Variants in PPRC1 observed in about 807,000 individuals in gnomAD.
The protein encoded by PPRC1 is peroxisome proliferator-activated receptor gamma coactivator-related protein 1.
PPRC1 carries 23 observed loss-of-function variants against 132.5 expected under a neutral mutation model. The ratio of observed to expected loss-of-function variants is 0.17; its 90% CI spans 0.12 to 0.25. The LOEUF is 0.25. PPRC1 is among the 10% of genes least tolerant of loss of function. The pLI is 1.00. For missense variants in PPRC1, 2,006 were observed against 2,089.1 expected, an observed-to-expected ratio of 0.96 and a Z score of 0.78; for synonymous variants, 872 against 833.5, an observed-to-expected ratio of 1.05 and a Z score of -0.80.
At chr10:102,126,314 C>T in the PPRC1 span, among the ~76,000 whole-genome samples, 1 of 149,256 alleles carries the variant, frequency 6.7e-6, no homozygotes, top group Non-Finnish European at 1.5e-5. Context: ...TGTACTTTAG[C>T]TTGAATGACA....
Position 102,148,528 on chromosome 10 carries a change from A to C in PPRC1, c.4550+7A>C. ...GAAGTGACAGGAGGCGGCGGTGAGC[A>C]TGTGTTCAGGGAGCGCCATGCACCT... On this transcript the variant is annotated splice_region_variant and intron_variant, in intron 10 of 13. Transcript: ENST00000278070. This position sits in a 1 kb window ranked among gnomAD's most constrained non-coding sequence, Gnocchi z 4.2. The C allele has an allele frequency of 2.5e-6, 4 of 1,613,184 alleles. No individual in the cohort carries two copies. Among genetic ancestry groups the C allele is most frequent in the Non-Finnish European group, 3.4e-6 (4 of 1,179,134 alleles).
At chr10:102,149,452 G>A (rs1365355725) in intron 13 of PPRC1, 123 bp downstream of exon 13, 4 of 1,200,370 alleles carry the variant, frequency 3.3e-6, no homozygotes, top group Admixed American at 6.5e-5. Flanking sequence ...ACCCAAGGGG[G>A]CTGGGCATGG....
In PPRC1 at chr10:102,141,110, G is replaced by C; in HGVS notation, c.2602G>C (p.Ala868Pro). ...CCCTCCTGTGCAGTCTGTGTCCCCT[G>C]CTGTGCCCACACCTCCCTCGATGTC... Reference protein sequence around the residue: ...PSPPVQSVSPAVPTPPSMSAA... With the variant: ...PSPPVQSVSPPVPTPPSMSAA... The change falls in exon 5 of 14, where the codon GCT (alanine) becomes CCT (proline). Residue 868 changes from alanine to proline, a missense_variant. Transcript: ENST00000278070. 1 of 1,614,052 alleles carries C rather than the reference G, an allele frequency of 6.2e-7. No individual in the cohort carries two copies. Among genetic ancestry groups the C allele is most frequent in the Non-Finnish European group, 8.5e-7 (1 of 1,179,990 alleles).
chr10:102,142,703 C>T (rs868848306), intron 5 of PPRC1, among the ~76,000 whole-genome samples: 14 of 152,186 alleles, frequency 9.2e-5, no homozygotes, highest in African/African-American at 2.9e-4. Context: ...TGTAAGCCAC[C>T]GCCCTTGGCC....
intron 7 of PPRC1, chr10:102,144,809 G>T (rs1376793150): frequency 1.8e-6 from 1 of 564,288 alleles, no homozygotes; most frequent in East Asian, 2.9e-5. Flanking sequence ...GTCATGGCCA[G>T]CCTGCCTCTT....
the PPRC1 span, among the ~76,000 whole-genome samples, chr10:102,127,608 G>T: frequency 6.6e-6 from 1 of 151,868 alleles, no homozygotes; most frequent in Non-Finnish European, 1.5e-5. Context: ...GGGTTTCACT[G>T]TGTTAGTCAG....
In PPRC1 at chr10:102,139,135, C is replaced by T; in HGVS notation, c.627C>T (p.Phe209=). The change falls in exon 5 of 14, where the codon TTC becomes TTT. Residue 209 remains phenylalanine, a synonymous_variant. Coordinates refer to ENST00000278070, the MANE Select transcript of PPRC1 (RefSeq NM_015062.5). Reference sequence around the variant, plus strand: ...CTCTTCCAGATCCCTCTTGGGACTTCTCCCCACCCTCTTTCTTAGAGACCT... The same window carrying T: ...CTCTTCCAGATCCCTCTTGGGACTTTTCCCCACCCTCTTTCTTAGAGACCT... ...EMSLPDPSWD[F]SPPSFLETSS... The T allele has an allele frequency of 6.2e-7, 1 of 1,611,214 alleles. No homozygotes were observed. The highest frequency in any genetic ancestry group is 1.1e-5 in the South Asian group (1 of 90,790).
chr10:102,139,823 C>A lies in PPRC1; in HGVS notation c.1315C>A (p.Pro439Thr), dbSNP rs774789930. Residue 439 changes from proline to threonine, a missense_variant, in exon 5 of 14, where the codon CCC becomes ACC. This residue lies in a region of PPRC1 where 1,914 missense variants were observed against 1,917.2 expected (regional missense o/e 1.00). Coordinates refer to ENST00000278070, the MANE Select transcript of PPRC1 (RefSeq NM_015062.5). ...CAGGGAGGTCGTGGAGCCGGTGGTG[C>A]CCAAGGAGCCTCAGAACCCACCTGC... The part of the protein sequence containing the change: ...KPREVVEPVV[P>T]KEPQNPPANA... 1.2e-6 allele frequency: 2 copies of A among 1,614,132 alleles called. No homozygotes were observed.
At position 102,141,328 on chromosome 10, in the gene PPRC1, A is replaced by C. The variant is rs2068967440; in HGVS notation, c.2820A>C (p.Pro940=). ...CTGGCTATCCTTGCCTGCCCCCCCCACCAACGGTGCCCCTAGTGTCTGGTA... is the reference window on the plus strand; with the variant it reads ...CTGGCTATCCTTGCCTGCCCCCCCCCCCAACGGTGCCCCTAGTGTCTGGTA... ...SPSGYPCLPP[P]PTVPLVSGTP... Residue 940 remains proline (P), a synonymous_variant, in exon 5 of 14, where the codon CCA becomes CCC. Coordinates refer to ENST00000278070, the MANE Select transcript of PPRC1 (RefSeq NM_015062.5). The C allele has an allele frequency of 1.2e-6, 2 of 1,611,296 alleles. No individual in the cohort carries two copies. Among genetic ancestry groups the C allele is most frequent in the African/African-American group, 1.4e-5 (1 of 73,922 alleles).
At chr10:102,138,832 A>G in intron 3 of PPRC1, 47 bp from the exon 4 acceptor site, 2 of 1,611,920 alleles carry the variant, frequency 1.2e-6, no homozygotes, top group Non-Finnish European at 1.7e-6. Flanking sequence ...ACCTACTCAT[A>G]TAGCTCTGAA....
In PPRC1 at chr10:102,150,076, A is replaced by G; in HGVS notation, c.*47A>G. ...CCTTTTTCTCCTTTGGAGGTGCCCA[A>G]CCTCCTCCACCCCCTTCCCCTACTC... is the stretch of plus-strand genomic sequence containing the variant. On this transcript the variant is annotated 3_prime_UTR_variant, in exon 14 of 14. Transcript: ENST00000278070. 2 of 1,386,716 alleles carry G rather than the reference A, an allele frequency of 1.4e-6. No individual in the cohort carries two copies. Among genetic ancestry groups the G allele is most frequent in the Middle Eastern group, 1.8e-4 (1 of 5,584 alleles). The allele number at this position is 1,386,716 out of a possible 1,614,324, so 85.9% of individuals were successfully genotyped here. A position where few individuals can be genotyped will look rare whatever the true frequency, so the allele number is the denominator to read the frequency against.
upstream of PPRC1, among the ~76,000 whole-genome samples, chr10:102,129,413 C>G (rs1357662515): frequency 6.6e-6 from 1 of 152,088 alleles, no homozygotes; most frequent in Non-Finnish European, 1.5e-5. Flanking sequence ...TCAGGTGGCA[C>G]TGAAGACCCA....
At chr10:102,133,250 G>A (rs1267010341) in intron 1 of PPRC1, 29 bp downstream of exon 1, 16 of 1,267,838 alleles carry the variant, frequency 1.3e-5, no homozygotes, top group Non-Finnish European at 1.6e-5. Context: ...GCCCGCGACA[G>A]GCAGCAAAGC....
rs773022710 is a variant in PPRC1, at chr10:102,138,919, G to A, written c.530G>A (p.Arg177His). 6 of 1,614,126 alleles carry A rather than the reference G, an allele frequency of 3.7e-6. No homozygotes were observed. The highest frequency in any genetic ancestry group is 2.2e-5 in the East Asian group (1 of 44,890). ...LLTLSRTPPE[R>H]DLITPVDPLG... ...ACTCTCTCTCGGACACCCCCAGAAC[G>A]TGACCTCATCACCCCAGTTGACCCA... The change falls in exon 4 of 14, where the codon CGT (arginine) becomes CAT (histidine). Residue 177 changes from arginine (R) to histidine (H), a missense_variant. Arg to His is a conservative substitution (Grantham distance 29, BLOSUM62 0). This residue lies in a region of PPRC1 where 1,914 missense variants were observed against 1,917.2 expected (regional missense o/e 1.00). Coordinates refer to ENST00000278070, the MANE Select transcript of PPRC1 (RefSeq NM_015062.5).
chr10:102,126,159 G>A, the PPRC1 span, among the ~76,000 whole-genome samples: 1 of 152,096 alleles, frequency 6.6e-6, no homozygotes, highest in African/African-American at 2.4e-5. Context: ...ACCGCGCCCG[G>A]CTTGGCATCA....
At position 102,148,491 on chromosome 10, in the gene PPRC1, C is replaced by T; in HGVS notation, c.4520C>T (p.Ser1507Phe). The T allele has an allele frequency of 6.2e-7, 1 of 1,613,094 alleles. No homozygotes were observed. The highest frequency in any genetic ancestry group is 8.5e-7 in the Non-Finnish European group (1 of 1,179,044). The change falls in exon 10 of 14, where the codon TCC (serine) becomes TTC (phenylalanine). Residue 1507 changes from serine to phenylalanine, a missense_variant. Around this residue, in one of 2 missense-constraint regions of PPRC1, gnomAD observed 1,914 missense variants for 1,917.2 expected, o/e 1.00. Transcript: ENST00000278070. This position sits in a 1 kb window ranked among gnomAD's most constrained non-coding sequence, Gnocchi z 4.2. ...SSSRSRSRSP[S>F]PRRRSDRRRR... ...TCTCGAAGCCGCTCACGATCCCCAT[C>T]CCCCCGCCGGAGAAGTGACAGGAGG... is the stretch of plus-strand genomic sequence containing the variant.
chr10:102,141,688 G>T lies in PPRC1; in HGVS notation c.3180G>T (p.Val1060=), dbSNP rs373100946. The T allele has an allele frequency of 3.7e-6, 6 of 1,613,936 alleles. No individual in the cohort carries two copies. The African/African-American group carries it at 4.0e-5, about 11-fold the overall frequency. ...TEPTKVEVKP[V]PASPHPKHKV... ...CTACCAAGGTGGAGGTCAAGCCAGTGCCTGCATCTCCCCATCCGAAACACA... is the reference window on the plus strand; with the variant it reads ...CTACCAAGGTGGAGGTCAAGCCAGTTCCTGCATCTCCCCATCCGAAACACA... The change falls in exon 5 of 14, where the codon GTG becomes GTT. Residue 1060 remains valine (V), a synonymous_variant. Transcript: ENST00000278070.
intron 5 of PPRC1, among the ~76,000 whole-genome samples, chr10:102,142,248 GC>G (rs888739361): frequency 6.7e-6 from 1 of 150,100 alleles, no homozygotes; most frequent in African/African-American, 2.5e-5. Flanking sequence ...GACTACAGGT[GC>G]CCGCCACCAC....
At chr10:102,143,191 G>T in intron 6 of PPRC1, 93 bp downstream of exon 6, 1 of 1,230,856 alleles carries the variant, frequency 8.1e-7, no homozygotes, top group Non-Finnish European at 1.2e-6. Flanking sequence ...GGTGAGAGGG[G>T]ACAGCCTTAG....
Sources: allele counts gnomAD v4.1 joint callset (sites outside exome capture counted in the v4.1 genomes callset), GRCh38; gene constraint gnomAD v4.1.1; regional missense constraint gnomAD v4.1.1; non-coding constraint Gnocchi (gnomAD v3.1); transcripts MANE v1.5; gene names NCBI Gene and HGNC (gene_info 2026-07-23, HGNC 2026-07-21).